GPM6A: variants seen among roughly 807,000 people sequenced by gnomAD.
GPM6A encodes neuronal membrane glycoprotein M6-a.
A neutral mutation model predicts 32.1 loss-of-function variants in GPM6A; 7 were observed. That is an observed-to-expected ratio of 0.22 (90% CI 0.12 to 0.41). The LOEUF is 0.41. Among genes scored for constraint, GPM6A ranks in the 10% least tolerant of loss-of-function variants. The pLI is 1.00. For missense variants in GPM6A, 235 were observed against 347.2 expected (o/e 0.68, Z 2.57); for synonymous variants, 130 against 123.4 (o/e 1.05, Z -0.35).
At chr4:175,730,769 T>C (rs751108961) in intron 1 of GPM6A, among the ~76,000 whole-genome samples, 13 of 152,106 alleles carry the variant, frequency 8.5e-5, no homozygotes, top group Non-Finnish European at 1.6e-4. Flanking sequence ...CCACCGCTGC[T>C]GGCCGTTCTC....
chr4:175,881,527 A>C (rs1224877830), intron 1 of GPM6A, among the ~76,000 whole-genome samples: 1 of 152,216 alleles, frequency 6.6e-6, no homozygotes, highest in Non-Finnish European at 1.5e-5. Context: ...TCATGCTGCT[A>C]TAAAGACACA....
chr4:175,818,397 C>G (rs1020823497), intron 1 of GPM6A, among the ~76,000 whole-genome samples: 8 of 152,186 alleles, frequency 5.3e-5, no homozygotes, highest in African/African-American at 1.9e-4. Flanking sequence ...CATGCCATTA[C>G]AGAGCTATTC....
chr4:175,706,978 C>G (rs757538703), intron 1 of GPM6A, among the ~76,000 whole-genome samples: 1 of 152,172 alleles, frequency 6.6e-6, no homozygotes, highest in Non-Finnish European at 1.5e-5. Flanking sequence ...TGACAGTTTA[C>G]AAATGCCATG....
intron 1 of GPM6A, among the ~76,000 whole-genome samples, chr4:175,710,770 CT>C (rs1263722560): frequency 2.0e-5 from 3 of 152,168 alleles, no homozygotes; most frequent in Non-Finnish European, 4.4e-5. Context: ...TTACACACAA[CT>C]TTTGTTACTA....
chr4:175,771,857 A>G (rs1733205721), intron 1 of GPM6A, among the ~76,000 whole-genome samples: 1 of 152,174 alleles, frequency 6.6e-6, no homozygotes, highest in Non-Finnish European at 1.5e-5. Flanking sequence ...TTGCCTTGCC[A>G]TAGTCTGATC....
chr4:175,977,908 T>C (rs1199825006), intron 1 of GPM6A, among the ~76,000 whole-genome samples: 1 of 152,204 alleles, frequency 6.6e-6, no homozygotes, highest in Non-Finnish European at 1.5e-5. Flanking sequence ...TTCTGCTCAG[T>C]AGTCTCCCTT....
intron 1 of GPM6A, among the ~76,000 whole-genome samples, chr4:175,903,504 G>A (rs1029455448): frequency 6.6e-6 from 1 of 152,042 alleles, no homozygotes; most frequent in Non-Finnish European, 1.5e-5. Flanking sequence ...TTACAAAGGG[G>A]AAAAGGAATA....
intron 4 of GPM6A, among the ~76,000 whole-genome samples, chr4:175,650,274 ATTTATTTATTTATTTATTTATT>A (rs1212707280): frequency 6.3e-4 from 3 of 4,778 alleles, no homozygotes; most frequent in Non-Finnish European, 9.8e-3. Flanking sequence ...TCATTATTTT[ATTTATTTATTTATTTATTTATT>A]TATTTATTTA....
intron 3 of GPM6A, among the ~76,000 whole-genome samples, chr4:175,661,521 T>A (rs1742415832): frequency 1.3e-5 from 2 of 152,010 alleles, no homozygotes; most frequent in South Asian, 4.1e-4. Context: ...AAGAAGGCCA[T>A]GCTAAAATGT....
At chr4:175,781,515 C>G (rs1036065425) in intron 1 of GPM6A, among the ~76,000 whole-genome samples, 2 of 152,208 alleles carry the variant, frequency 1.3e-5, no homozygotes, top group African/African-American at 4.8e-5. Flanking sequence ...ACCAAGTGAT[C>G]TTCCATACAG....
chr4:175,837,320 C>T (rs1244810061), intron 1 of GPM6A, among the ~76,000 whole-genome samples: 1 of 152,178 alleles, frequency 6.6e-6, no homozygotes, highest in African/African-American at 2.4e-5. Flanking sequence ...TTTCAGACCT[C>T]TGACCACTGG....
intron 1 of GPM6A, chr4:175,811,976 C>T (rs1734937066): frequency 2.1e-6 from 1 of 479,738 alleles, no homozygotes; most frequent in Non-Finnish European, 3.7e-6. Context: ...TAATACTCGA[C>T]TCTGCATTTC....
At chr4:175,679,072 T>C (rs1308890087) in intron 2 of GPM6A, among the ~76,000 whole-genome samples, 1 of 152,142 alleles carries the variant, frequency 6.6e-6, no homozygotes, top group Non-Finnish European at 1.5e-5. Flanking sequence ...ACCAACTCAA[T>C]GATGAACTTT....
At chr4:175,715,584 G>T (rs1328052794) in intron 1 of GPM6A, among the ~76,000 whole-genome samples, 1 of 152,102 alleles carries the variant, frequency 6.6e-6, no homozygotes, top group South Asian at 2.1e-4. Flanking sequence ...AAATGGGAGT[G>T]GGGTAGAATC....
At chr4:175,897,705 G>A (rs543962175) in intron 1 of GPM6A, among the ~76,000 whole-genome samples, 1 of 152,068 alleles carries the variant, frequency 6.6e-6, no homozygotes, top group African/African-American at 2.4e-5. Context: ...GAAGAGTTTA[G>A]TACTAGACTC....
intron 1 of GPM6A, chr4:176,002,175 G>A (rs1374321726): frequency 2.0e-6 from 2 of 991,232 alleles, no homozygotes; most frequent in East Asian, 2.6e-5. Context: ...GGGGGGCGGG[G>A]GACGCCAGGC....
At chr4:175,799,829 C>T (rs539545479) in intron 1 of GPM6A, among the ~76,000 whole-genome samples, 4 of 151,274 alleles carry the variant, frequency 2.6e-5, no homozygotes, top group African/African-American at 4.8e-5. Context: ...CGCCCGCCAC[C>T]GCGCCCGGCT....
At chr4:175,723,876 T>G (rs1427268454) in intron 1 of GPM6A, among the ~76,000 whole-genome samples, 1 of 152,186 alleles carries the variant, frequency 6.6e-6, no homozygotes, top group Admixed American at 6.5e-5. Context: ...ATGTATAATA[T>G]ATTATACTTG....
chr4:175,688,238 C>G (rs1744102647), intron 2 of GPM6A, among the ~76,000 whole-genome samples: 1 of 152,038 alleles, frequency 6.6e-6, no homozygotes, highest in Non-Finnish European at 1.5e-5. Context: ...CTTTTGTGAC[C>G]TATGACTTTT....
Sources: gnomAD v4.1 joint callset for allele counts (sites outside exome capture counted in the v4.1 genomes callset) on GRCh38, gnomAD v4.1.1 for gene constraint, MANE v1.5 for transcripts, NCBI Gene and HGNC (gene_info 2026-07-23, HGNC 2026-07-21) for gene names.